The following ZFPM2 variants were observed in gnomAD, a reference collection of about 807,000 sequenced individuals.
ZFPM2 encodes zinc finger protein ZFPM2.
Under a neutral mutation model 98.6 loss-of-function variants are expected in ZFPM2, and 20 were observed. That is an observed-to-expected ratio of 0.20 (90% CI 0.14 to 0.29). The LOEUF (loss-of-function observed/expected upper bound fraction) is 0.29. Ranked by LOEUF, ZFPM2 falls within the 10% of genes least tolerant of loss-of-function variation. The pLI, the probability that ZFPM2 is intolerant of heterozygous loss-of-function variation, is 1.00. For missense variants in ZFPM2, 1,310 were observed against 1,388.6 expected, an observed-to-expected ratio of 0.94 and a Z score of 0.90; for synonymous variants, 518 against 502.7, an observed-to-expected ratio of 1.03 and a Z score of -0.41.
intron 5 of ZFPM2, among the ~76,000 whole-genome samples, chr8:105,738,832 A>G (rs1330216707): frequency 6.6e-6 from 1 of 152,026 alleles, no homozygotes; most frequent in African/African-American, 2.4e-5. Context: ...GTACATTTCA[A>G]TCAATGCAAA....
intron 4 of ZFPM2, among the ~76,000 whole-genome samples, chr8:105,602,179 T>G (rs1427576804): frequency 2.0e-5 from 3 of 152,022 alleles, no homozygotes; most frequent in Non-Finnish European, 4.4e-5. Flanking sequence ...GGAACACACC[T>G]AAGGCTAGGA....
At chr8:105,538,825 A>G (rs1331968362) in intron 3 of ZFPM2, among the ~76,000 whole-genome samples, 1 of 152,126 alleles carries the variant, frequency 6.6e-6, no homozygotes, top group Non-Finnish European at 1.5e-5. Context: ...GAGCCTGGGC[A>G]GCATTGGGAA....
At chr8:105,611,801 C>T (rs1397079434) in intron 4 of ZFPM2, among the ~76,000 whole-genome samples, 5 of 151,482 alleles carry the variant, frequency 3.3e-5, no homozygotes, top group South Asian at 2.1e-4. Context: ...CGGGTTCAAG[C>T]GATTCTCCTG....
rs577141017 is a variant in ZFPM2 at position 105,546,405 on chromosome 8, C to T, written c.302-14958C>T. Among the ~76,000 whole-genome samples, 12 of 151,534 alleles carry T rather than the reference C, an allele frequency of 7.9e-5. No individual in the cohort carries two copies. The East Asian group carries it at 1.8e-3, about 22-fold the overall frequency. On this transcript the variant is annotated intron_variant, in intron 3 of 7. Coordinates refer to ENST00000407775, the MANE Select transcript of ZFPM2 (RefSeq NM_012082.4). ...CAGCCTGATCAACATGGAGAAACAC[C>T]GTAAAAATACAAAATTAGACGGGCG...
At chr8:105,754,816 G>A (rs1464749647) in intron 5 of ZFPM2, among the ~76,000 whole-genome samples, 3 of 151,964 alleles carry the variant, frequency 2.0e-5, no homozygotes, top group Admixed American at 2.0e-4. Context: ...TGCAAAATTG[G>A]CCCAAGCTGT....
At chr8:105,533,396 T>G (rs1814338367) in intron 3 of ZFPM2, among the ~76,000 whole-genome samples, 1 of 152,132 alleles carries the variant, frequency 6.6e-6, no homozygotes, top group Admixed American at 6.6e-5. Flanking sequence ...GACACTACAT[T>G]TCTTACACAG....
At chr8:105,539,395 C>A (rs115323816) in intron 3 of ZFPM2, among the ~76,000 whole-genome samples, 1,563 of 152,266 alleles carry the variant, frequency 0.01, 27 homozygotes, top group African/African-American at 0.036. Context: ...TCCATCTAAT[C>A]TATGGTAATT....
chr8:105,488,451 G>A (rs985985843), intron 3 of ZFPM2, among the ~76,000 whole-genome samples: 1 of 152,066 alleles, frequency 6.6e-6, no homozygotes, highest in Non-Finnish European at 1.5e-5. Context: ...TGCAGAATAG[G>A]AAACACAGGG....
intron 3 of ZFPM2, among the ~76,000 whole-genome samples, chr8:105,450,894 C>T (rs1459628009): frequency 6.6e-6 from 1 of 151,774 alleles, no homozygotes; most frequent in Non-Finnish European, 1.5e-5. Context: ...AACAGAATGC[C>T]ACATGAACAC....
At chr8:105,430,697 G>C (rs1812002360) in intron 2 of ZFPM2, among the ~76,000 whole-genome samples, 1 of 152,164 alleles carries the variant, frequency 6.6e-6, no homozygotes, top group African/African-American at 2.4e-5. Context: ...AAAATAGTCT[G>C]AATGCGTCTT....
At chr8:105,429,795 G>T (rs1317967609) in intron 2 of ZFPM2, among the ~76,000 whole-genome samples, 1 of 151,634 alleles carries the variant, frequency 6.6e-6, no homozygotes, top group Non-Finnish European at 1.5e-5. Flanking sequence ...AGTTGTGCTG[G>T]GTGACTTTTA....
intron 4 of ZFPM2, among the ~76,000 whole-genome samples, chr8:105,587,501 A>T (rs1293416849): frequency 6.6e-6 from 1 of 152,172 alleles, no homozygotes; most frequent in Non-Finnish European, 1.5e-5. Flanking sequence ...AATGTATGCC[A>T]AATACCAAAA....
intron 5 of ZFPM2, among the ~76,000 whole-genome samples, chr8:105,725,658 C>G (rs1811793762): frequency 6.6e-6 from 1 of 151,708 alleles, no homozygotes; most frequent in South Asian, 2.1e-4. Flanking sequence ...AAATCTCCAG[C>G]AGGAAAACAG....
intron 5 of ZFPM2, among the ~76,000 whole-genome samples, chr8:105,703,069 G>A (rs1044646192): frequency 2.0e-5 from 3 of 152,048 alleles, no homozygotes; most frequent in Non-Finnish European, 2.9e-5. Context: ...CCCCCGCCCC[G>A]CGCCCAACAT....
At chr8:105,771,247 T>G (rs1309134533) in intron 5 of ZFPM2, among the ~76,000 whole-genome samples, 3 of 152,126 alleles carry the variant, frequency 2.0e-5, no homozygotes, top group Non-Finnish European at 4.4e-5. Context: ...TGTCTTCTTC[T>G]TTTTCCTTTA....
intron 3 of ZFPM2, among the ~76,000 whole-genome samples, chr8:105,467,736 C>A (rs1253468398): frequency 6.6e-6 from 1 of 152,040 alleles, no homozygotes; most frequent in Non-Finnish European, 1.5e-5. Flanking sequence ...GATACACATA[C>A]ACATACACAC....
At chr8:105,754,018 T>A (rs1812535560) in intron 5 of ZFPM2, among the ~76,000 whole-genome samples, 1 of 152,166 alleles carries the variant, frequency 6.6e-6, no homozygotes, top group African/African-American at 2.4e-5. Context: ...ATTCGCTGCT[T>A]AATATTTTTC....
rs1814222554 is a variant in ZFPM2 at position 105,528,458 on chromosome 8, T to G, written c.302-32905T>G. Among the ~76,000 whole-genome samples the G allele has an allele frequency of 2.0e-5, 3 of 152,058 alleles. No individual in the cohort carries two copies. In the South Asian group the frequency reaches 6.2e-4, roughly 32 times the overall value. On this transcript the variant is annotated intron_variant, in intron 3 of 7. Transcript: ENST00000407775. ...AGAAAGGGAGAAAGCATTTCAGCAT[T>G]TTATACACAGGGATGAATGTTGCCA...
intron 4 of ZFPM2, among the ~76,000 whole-genome samples, chr8:105,582,407 A>G (rs1815620833): frequency 1.3e-5 from 2 of 152,176 alleles, no homozygotes; most frequent in Non-Finnish European, 1.5e-5. Flanking sequence ...AGGGAAGGGG[A>G]CTTAGCAGTG....
Sources: allele counts gnomAD v4.1 joint callset (sites outside exome capture counted in the v4.1 genomes callset), GRCh38; gene constraint gnomAD v4.1.1; transcripts MANE v1.5; gene names NCBI Gene and HGNC (gene_info 2026-07-23, HGNC 2026-07-21).